HEPHL1: variants seen among roughly 807,000 people sequenced by gnomAD.
HEPHL1 encodes ferroxidase HEPHL1.
A neutral mutation model predicts 122.0 loss-of-function variants in HEPHL1; 123 were observed. The observed-to-expected ratio is 1.01, with a 90% CI of 0.87 to 1.17. HEPHL1 has a LOEUF of 1.17. HEPHL1 is among the 50% of genes most tolerant of loss of function. HEPHL1 has a pLI of 0.00. For missense variants in HEPHL1, 1,452 were observed against 1,430.5 expected, an observed-to-expected ratio of 1.01 and a Z score of -0.24; for synonymous variants, 527 against 508.9, an observed-to-expected ratio of 1.04 and a Z score of -0.48.
At chr11:94,067,320 T>C (rs1482363809) in intron 4 of HEPHL1, among the ~76,000 whole-genome samples, 176 bp from the exon 5 acceptor site, 1 of 152,212 alleles carries the variant, frequency 6.6e-6, no homozygotes, top group Non-Finnish European at 1.5e-5. Flanking sequence ...ATAAAAACAT[T>C]TCATTTCTCT....
intron 6 of HEPHL1, among the ~76,000 whole-genome samples, chr11:94,072,018 TTTGA>T (rs1342849264): frequency 6.6e-6 from 1 of 152,074 alleles, no homozygotes; most frequent in Non-Finnish European, 1.5e-5. Context: ...TTGAACATTA[TTTGA>T]TTGGCAATTG....
chr11:94,022,010 T>A (rs1945585988), intron 1 of HEPHL1, among the ~76,000 whole-genome samples: 1 of 152,162 alleles, frequency 6.6e-6, no homozygotes. Context: ...GAGGGGGAAG[T>A]CACAGGAGAT....
chr11:94,101,453 T>A, intron 14 of HEPHL1, 118 bp downstream of exon 14: 1 of 1,003,034 alleles, frequency 1.0e-6, no homozygotes, highest in Non-Finnish European at 1.5e-6. Context: ...AGCCATCATC[T>A]AGTCACTCTG....
chr11:94,084,069 A>C (rs1187406392), intron 10 of HEPHL1, among the ~76,000 whole-genome samples: 1 of 152,164 alleles, frequency 6.6e-6, no homozygotes, highest in Non-Finnish European at 1.5e-5. Flanking sequence ...TCATGCCTGT[A>C]ATCCCAGCAC....
At chr11:94,042,542 G>T (rs1945790953) in intron 1 of HEPHL1, among the ~76,000 whole-genome samples, 2 of 150,896 alleles carry the variant, frequency 1.3e-5, no homozygotes, top group South Asian at 4.2e-4. Flanking sequence ...ATACTATGCA[G>T]CCATACAAAA....
At chr11:94,095,786 T>C (rs1022892882) in intron 13 of HEPHL1, among the ~76,000 whole-genome samples, 3 of 152,142 alleles carry the variant, frequency 2.0e-5, no homozygotes, top group African/African-American at 7.2e-5. Flanking sequence ...TTTGAAGCAA[T>C]TGTGAATGGG....
rs759786503 is a variant in HEPHL1, at chr11:94,111,553, C to G, written c.3225C>G (p.Tyr1075Ter). The change falls in exon 19 of 20, where the codon TAC (tyrosine) becomes TAG (stop). Residue 1075 changes from tyrosine to a stop codon, truncating the protein, a stop_gained. Coordinates refer to ENST00000315765, the MANE Select transcript of HEPHL1 (RefSeq NM_001098672.2). LOFTEE classifies it high-confidence loss of function. ...TTTGTGCAGACAACAGGATTCCTTA[C>G]TCCACCACATCTCCTGGAGTGGCAT... ...VLRNIDNRIP[Y>*]STTSPGVASH... 6.2e-7 allele frequency: 1 copy of G among 1,603,300 alleles called. No homozygotes were observed. Among genetic ancestry groups the G allele is most frequent in the African/African-American group, 1.3e-5 (1 of 74,850 alleles).
chr11:94,046,181 G>A (rs747432028), intron 2 of HEPHL1, among the ~76,000 whole-genome samples: 2 of 126,988 alleles, frequency 1.6e-5, no homozygotes, highest in Admixed American at 9.9e-5. Context: ...TGCAACCTCC[G>A]TCTCCCTGGT....
At chr11:94,073,535 C>T in intron 8 of HEPHL1, 96 bp downstream of exon 8, 3 of 1,252,480 alleles carry the variant, frequency 2.4e-6, no homozygotes, top group Non-Finnish European at 3.3e-6. Flanking sequence ...CTTTCCATTA[C>T]CTGCCCTGAG....
intron 9 of HEPHL1, among the ~76,000 whole-genome samples, 157 bp from the exon 10 acceptor site, chr11:94,082,261 A>C (rs1946177023): frequency 6.6e-6 from 1 of 152,234 alleles, no homozygotes; most frequent in Non-Finnish European, 1.5e-5. Flanking sequence ...CATCAGAGCA[A>C]CATTCAGTAT....
rs1555058753 is a variant in HEPHL1 at position 94,042,882 on chromosome 11, A to AAAAAAACAAAAAACAAAC, written c.171-2785_171-2784insCAAAAAACAAACAAAAAA. Among the ~76,000 whole-genome samples, 43 of 136,876 alleles carry AAAAAAACAAAAAACAAAC rather than the reference A, an allele frequency of 3.1e-4. 1 individual carries two copies. The highest frequency in any genetic ancestry group is 7.1e-3 in the Middle Eastern group (2 of 280). The allele number at this position is 136,876 out of a possible 152,430, so 89.8% of individuals were successfully genotyped here. A position where few individuals can be genotyped will look rare whatever the true frequency, so the allele number is the denominator to read the frequency against. ...CTAAAACTTAAAGTATAATAAAAAA[A>AAAAAAACAAAAAACAAAC]AAAAAAAAAAACTGCATGAATTGCT... is the stretch of plus-strand genomic sequence containing the variant. On this transcript the variant is annotated intron_variant, in intron 1 of 19. Transcript: ENST00000315765.
intron 2 of HEPHL1, among the ~76,000 whole-genome samples, chr11:94,061,322 G>A (rs937506086): frequency 6.6e-6 from 1 of 152,158 alleles, no homozygotes; most frequent in Non-Finnish European, 1.5e-5. Context: ...CTGATGGGTG[G>A]CACTGTGGGG....
At position 94,088,744 on chromosome 11, in the gene HEPHL1, T is replaced by A. The variant is rs1946238389; in HGVS notation, c.2081-11T>A. On this transcript the variant is annotated splice_polypyrimidine_tract_variant and intron_variant, in intron 11 of 19. Coordinates refer to ENST00000315765, the MANE Select transcript of HEPHL1 (RefSeq NM_001098672.2). Reference sequence around the variant, plus strand: ...AGCACCACACTCAATGCCGAGCCATTTCTCTTGCAGGTATTTTTAGGGTGT... The same window carrying A: ...AGCACCACACTCAATGCCGAGCCATATCTCTTGCAGGTATTTTTAGGGTGT... 6.2e-7 allele frequency: 1 copy of A among 1,607,676 alleles called. No individual in the cohort carries two copies. The highest frequency in any genetic ancestry group is 1.3e-5 in the African/African-American group (1 of 74,944).
At chr11:94,044,375 C>T (rs1945815154) in intron 1 of HEPHL1, among the ~76,000 whole-genome samples, 1 of 152,174 alleles carries the variant, frequency 6.6e-6, no homozygotes, top group Admixed American at 6.5e-5. Context: ...CTTTGCTCTG[C>T]CTTTTCCTCA....
chr11:94,076,127 G>A (rs1014856850), intron 9 of HEPHL1, among the ~76,000 whole-genome samples: 17 of 152,192 alleles, frequency 1.1e-4, no homozygotes, highest in Middle Eastern at 3.4e-3. Context: ...GGAATTTCCA[G>A]ATTTAAAAAA....
At chr11:94,046,116 AG>A (rs1354049425) in intron 2 of HEPHL1, among the ~76,000 whole-genome samples, 199 bp downstream of exon 2, 4 of 1,076 alleles carry the variant, frequency 3.7e-3, no homozygotes, top group Non-Finnish European at 0.016. Flanking sequence ...TTTTTTTGAG[AG>A]GTAGTCTCAC....
intron 17 of HEPHL1, among the ~76,000 whole-genome samples, chr11:94,107,509 A>G (rs1389360130): frequency 1.3e-5 from 2 of 152,242 alleles, no homozygotes; most frequent in Admixed American, 6.5e-5. Flanking sequence ...ATCACAATAT[A>G]GAATACTTTT....
chr11:94,072,514 A>G (rs1021001903), intron 6 of HEPHL1, among the ~76,000 whole-genome samples: 6 of 152,170 alleles, frequency 3.9e-5, no homozygotes, highest in Admixed American at 2.0e-4. Flanking sequence ...ATATTATCAT[A>G]TTCACGACTT....
intron 2 of HEPHL1, among the ~76,000 whole-genome samples, chr11:94,053,744 C>A (rs1352682505): frequency 6.6e-6 from 1 of 152,032 alleles, no homozygotes; most frequent in Non-Finnish European, 1.5e-5. Context: ...CATTTTATTT[C>A]CAAATATTTA....
Sources: allele counts gnomAD v4.1 joint callset (sites outside exome capture counted in the v4.1 genomes callset), GRCh38; gene constraint gnomAD v4.1.1; transcripts MANE v1.5; gene names NCBI Gene and HGNC (gene_info 2026-07-23, HGNC 2026-07-21).